UTP20: variants seen among roughly 807,000 people sequenced by gnomAD.
UTP20 encodes UTP20 small subunit processome component.
In UTP20, 164 loss-of-function variants were observed where a neutral mutation model predicts 329.5. The ratio of observed to expected loss-of-function variants is 0.50; its 90% CI spans 0.44 to 0.57. UTP20 has a LOEUF of 0.57. UTP20 is among the 20% of genes least tolerant of loss of function. UTP20 has a pLI of 0.00. For synonymous variants in UTP20, 1,151 were observed against 1,159.3 expected (o/e 0.99, Z 0.14); for missense variants, 3,055 against 3,284.2 (o/e 0.93, Z 1.71).
At chr12:101,353,219 T>C (rs994347699) in intron 40 of UTP20, 90 bp downstream of exon 40, 2 of 838,070 alleles carry the variant, frequency 2.4e-6, no homozygotes, top group Non-Finnish European at 3.7e-6. Context: ...ATTCAACTTA[T>C]TCCCTTTGTC....
chr12:101,297,568 A>G lies in UTP20; in HGVS notation c.1430+1910A>G, dbSNP rs1181531349. Reference sequence around the variant, plus strand: ...TGTATACCTTACAAATTGCTTCTCTATTAAAATATGCCAACAGAATCTTGT... The same window carrying G: ...TGTATACCTTACAAATTGCTTCTCTGTTAAAATATGCCAACAGAATCTTGT... On this transcript the variant is annotated intron_variant, in intron 12 of 61. Coordinates refer to ENST00000261637, the MANE Select transcript of UTP20 (RefSeq NM_014503.3). Among the ~76,000 whole-genome samples the G allele has an allele frequency of 5.3e-5, 8 of 152,286 alleles. No homozygotes were observed. In the East Asian group the frequency reaches 1.2e-3, roughly 22 times the overall value.
intron 38 of UTP20, among the ~76,000 whole-genome samples, chr12:101,347,162 T>A (rs1208290630): frequency 6.6e-6 from 1 of 152,198 alleles, no homozygotes; most frequent in Non-Finnish European, 1.5e-5. Flanking sequence ...TTTTAACCTT[T>A]ATATTACACA....
chr12:101,315,361 G>A (rs1478147570), intron 21 of UTP20, among the ~76,000 whole-genome samples: 6 of 151,860 alleles, frequency 4.0e-5, no homozygotes, highest in Middle Eastern at 3.2e-3. Flanking sequence ...GCATGCACCT[G>A]TAGTCCCAGC....
intron 14 of UTP20, among the ~76,000 whole-genome samples, chr12:101,301,353 C>A (rs528676210): frequency 2.0e-5 from 3 of 149,558 alleles, no homozygotes; most frequent in East Asian, 4.0e-4. Flanking sequence ...GAGCCCCCCC[C>A]GCCCAACTCT....
chr12:101,324,247 T>TTTA (rs1368897967), intron 25 of UTP20, among the ~76,000 whole-genome samples: 8 of 151,394 alleles, frequency 5.3e-5, no homozygotes, highest in African/African-American at 1.7e-4. Context: ...TATTTATTTA[T>TTTA]TTATTTCAGA....
intron 2 of UTP20, among the ~76,000 whole-genome samples, chr12:101,284,494 A>G (rs773300025): frequency 9.9e-5 from 15 of 152,124 alleles, no homozygotes; most frequent in Non-Finnish European, 1.5e-4. Context: ...TCTACTGTTG[A>G]TGGACACCTG....
rs778640690 is a variant in UTP20, at chr12:101,290,717, A to G, written c.736-16A>G. On this transcript the variant is annotated splice_polypyrimidine_tract_variant and intron_variant, in intron 7 of 61. Coordinates refer to ENST00000261637, the MANE Select transcript of UTP20 (RefSeq NM_014503.3). The stretch of plus-strand genomic sequence containing the variant: ...AAGAGTTTATATATTAATGTTAATG[A>G]CTTGTATTCCCACAGGCAGTGAAGC... The G allele has an allele frequency of 6.3e-7, 1 of 1,593,794 alleles. No individual in the cohort carries two copies. The highest frequency in any genetic ancestry group is 1.2e-5 in the South Asian group (1 of 86,562).
intron 43 of UTP20, among the ~76,000 whole-genome samples, chr12:101,357,452 T>C (rs1762938425): frequency 6.6e-6 from 1 of 152,114 alleles, no homozygotes; most frequent in Admixed American, 6.6e-5. Context: ...ATATAAAATG[T>C]AAATTACAAA....
intron 56 of UTP20, among the ~76,000 whole-genome samples, chr12:101,377,812 C>T (rs1252588288): frequency 6.6e-6 from 1 of 152,118 alleles, no homozygotes; most frequent in Non-Finnish European, 1.5e-5. Context: ...ATTTAGCATG[C>T]CCATCTTCCA....
rs753097168 is a variant in UTP20, at chr12:101,381,092, CAGA to C, written c.7585-46_7585-44del. On this transcript the variant is annotated intron_variant, in intron 57 of 61. Coordinates refer to ENST00000261637, the MANE Select transcript of UTP20 (RefSeq NM_014503.3). ...TTATGTTTAGCTTTTTAAAAACAAT[CAGA>C]AATGTCCTGTGTTTTGTCTACCAAT... The C allele has an allele frequency of 1.8e-4, 264 of 1,472,114 alleles. 1 individual carries two copies. Among genetic ancestry groups the C allele is most frequent in the Admixed American group, 3.7e-4 (22 of 59,676 alleles). 91.2% of individuals were successfully genotyped at this position (1,472,114 alleles called of 1,614,324 possible). A position where few individuals can be genotyped will look rare whatever the true frequency, so the allele number is the denominator to read the frequency against.
chr12:101,374,796 T>C lies in UTP20; in HGVS notation c.7132-12T>C, dbSNP rs1870417244. Reference sequence around the variant, plus strand: ...GTTCTCTTGACATTGTCTTGTGGTTTATTTTTGGTAGCGCTTAAATAGACA... The same window carrying C: ...GTTCTCTTGACATTGTCTTGTGGTTCATTTTTGGTAGCGCTTAAATAGACA... On this transcript the variant is annotated splice_polypyrimidine_tract_variant and intron_variant, in intron 54 of 61. Transcript: ENST00000261637. 2 of 937,568 alleles carry C rather than the reference T, an allele frequency of 2.1e-6. No individual in the cohort carries two copies. Among genetic ancestry groups the C allele is most frequent in the Non-Finnish European group, 3.6e-6 (2 of 562,996 alleles). The allele number at this position is 937,568 out of a possible 1,614,324, so 58.1% of individuals were successfully genotyped here.
At chr12:101,295,877 G>A (rs561522167) in intron 12 of UTP20, among the ~76,000 whole-genome samples, 118 of 152,310 alleles carry the variant, frequency 7.7e-4, no homozygotes, top group African/African-American at 2.8e-3. Context: ...AGAAAAACAT[G>A]TGGAAGGATA....
intron 25 of UTP20, among the ~76,000 whole-genome samples, chr12:101,323,431 A>G (rs543638296): frequency 3.1e-4 from 47 of 152,332 alleles, no homozygotes; most frequent in Non-Finnish European, 5.6e-4. Flanking sequence ...GAACCACTTT[A>G]TATTCCTACC....
In UTP20 at chr12:101,375,607, A is replaced by G. The variant is rs1870445940; in HGVS notation, c.7264-17A>G. ...CAGATTGTTGTTTTCATTGATTTAC[A>G]TCCGTCTTGTTTTTAGATCATGGAA... On this transcript the variant is annotated splice_polypyrimidine_tract_variant and intron_variant, in intron 55 of 61. Transcript: ENST00000261637. 6.2e-7 allele frequency: 1 copy of G among 1,608,904 alleles called. No homozygotes were observed. Among genetic ancestry groups the G allele is most frequent in the South Asian group, 1.1e-5 (1 of 89,208 alleles).
chr12:101,359,741 A>G (rs988062324), intron 43 of UTP20, among the ~76,000 whole-genome samples: 6 of 152,166 alleles, frequency 3.9e-5, no homozygotes, highest in South Asian at 2.1e-4. Context: ...TCTTTCAGCT[A>G]GAAAACTGGG....
In UTP20 at chr12:101,299,664, T is replaced by A; in HGVS notation, c.1431-18T>A. ...ATTACATTCTCTGTTATTTTAAACA[T>A]TTTTTTTAATCCTTCAGATTCTATA... On this transcript the variant is annotated intron_variant, in intron 12 of 61. Transcript: ENST00000261637. The A allele has an allele frequency of 6.6e-7, 1 of 1,518,534 alleles. No homozygotes were observed. Among genetic ancestry groups the A allele is most frequent in the Non-Finnish European group, 8.8e-7 (1 of 1,131,128 alleles). 94.1% of individuals were successfully genotyped at this position (1,518,534 alleles called of 1,614,324 possible).
At chr12:101,329,594 T>A (rs1868687263) in intron 27 of UTP20, 145 bp downstream of exon 27, 2 of 758,540 alleles carry the variant, frequency 2.6e-6, no homozygotes, top group Non-Finnish European at 2.0e-6. Flanking sequence ...TGTAAATGAT[T>A]TAAGTGAAAA....
Position 101,344,687 on chromosome 12 carries a change from T to C in UTP20, c.4542T>C (p.Tyr1514=). 1 of 1,611,428 alleles carries C rather than the reference T, an allele frequency of 6.2e-7. No homozygotes were observed. Among genetic ancestry groups the C allele is most frequent in the Non-Finnish European group, 8.5e-7 (1 of 1,177,532 alleles). Residue 1514 remains tyrosine, a synonymous_variant, in exon 36 of 62, where the codon TAT becomes TAC. Coordinates refer to ENST00000261637, the MANE Select transcript of UTP20 (RefSeq NM_014503.3). ...LAALNVTEKD[Y]REIIHRSLLE... is the part of the protein sequence containing the mutation. Reference sequence around the variant, plus strand: ...CCTTGAATGTCACAGAGAAAGACTATAGAGAAATCATCCACCGTTCACTCC... The same window carrying C: ...CCTTGAATGTCACAGAGAAAGACTACAGAGAAATCATCCACCGTTCACTCC...
chr12:101,374,036 C>A (rs973979696), intron 54 of UTP20, among the ~76,000 whole-genome samples: 3 of 151,794 alleles, frequency 2.0e-5, no homozygotes, highest in Non-Finnish European at 4.4e-5. Context: ...GAGATCGAGA[C>A]CATCCCGGCT....
Sources: gnomAD v4.1 joint callset for allele counts (sites outside exome capture counted in the v4.1 genomes callset) on GRCh38, gnomAD v4.1.1 for gene constraint, MANE v1.5 for transcripts, NCBI Gene and HGNC (gene_info 2026-07-23, HGNC 2026-07-21) for gene names.